The following PCDH19 variants were observed in gnomAD, a reference collection of about 807,000 sequenced individuals.
PCDH19 encodes protocadherin 19, also known as protocadherin-19.
PCDH19 carries 6 observed loss-of-function variants against 46.2 expected under a neutral mutation model. The ratio of observed to expected loss-of-function variants is 0.13; its 90% confidence interval spans 0.07 to 0.26. PCDH19 has a LOEUF of 0.26. PCDH19 is among the 10% of genes least tolerant of loss of function. The probability of loss-of-function intolerance (pLI) is 1.00; values close to 1 mark genes in which losing one functional copy is unlikely to be tolerated. For synonymous variants in PCDH19, 481 were observed against 415.7 expected, an observed-to-expected ratio of 1.16 and a Z score of -1.91; for missense variants, 740 against 972.3, an observed-to-expected ratio of 0.76 and a Z score of 3.18.
In PCDH19 at chrX:100,296,255, T is replaced by C. The variant is rs755737695; in HGVS notation, c.*22A>G. On this transcript the variant is annotated 3_prime_UTR_variant, in exon 6 of 6. Transcript: ENST00000373034. ...TCTTCACTAGCCAGTGTGGTTTCTT[T>C]CTCTTCTTCCTGGAGACTGGTTTAG... is the stretch of plus-strand genomic sequence containing the variant. 8.6e-7 allele frequency: 1 copy of C among 1,160,887 alleles called. No individual in the cohort carries two copies. The highest frequency in any genetic ancestry group is 1.2e-6 in the Non-Finnish European group (1 of 848,945).
chrX:100,338,166 C>T (rs1415176125), intron 5 of PCDH19, among the ~76,000 whole-genome samples: 3 of 108,918 alleles, frequency 2.8e-5, no homozygotes, highest in Non-Finnish European at 5.7e-5. Context: ...CATGGTGAAA[C>T]CCCGTCTCTA....
intron 3 of PCDH19, among the ~76,000 whole-genome samples, chrX:100,363,013 G>A (rs1449325406): frequency 9.1e-6 from 1 of 110,119 alleles, no homozygotes; most frequent in Non-Finnish European, 1.9e-5. Flanking sequence ...CTATAAAATG[G>A]AAATAATATC....
chrX:100,404,322 C>G (rs1176951478), intron 1 of PCDH19, among the ~76,000 whole-genome samples: 1 of 111,783 alleles, frequency 8.9e-6, no homozygotes, highest in Non-Finnish European at 1.9e-5. Context: ...ACTGGTACTA[C>G]TGGGGTTTGG....
chrX:100,339,829 G>A (rs1485157290), intron 5 of PCDH19, among the ~76,000 whole-genome samples: 1 of 112,125 alleles, frequency 8.9e-6, no homozygotes, highest in Admixed American at 9.5e-5. Context: ...CGGAATAATA[G>A]AAAAAATGAA....
At position 100,407,570 on chromosome X, in the gene PCDH19, G is replaced by A; in HGVS notation, c.1028C>T (p.Pro343Leu). Residue 343 changes from proline to leucine, a missense_variant, in exon 1 of 6, where the codon CCG becomes CTG. Physicochemically the swap from Pro to Leu is moderately conservative, Grantham distance 98 (BLOSUM62 -3). Coordinates refer to ENST00000373034, the MANE Select transcript of PCDH19 (RefSeq NM_001184880.2). ...TVSVLDTNDNPPVINLLSVNS... is the reference protein window; with the variant it reads ...TVSVLDTNDNLPVINLLSVNS... ...GACTGACAGCAGGTTGATGACCGGC[G>A]GATTGTCATTGGTGTCCAGCACGCT... 1 of 1,211,336 alleles carries A rather than the reference G, an allele frequency of 8.3e-7. No homozygotes were observed. The highest frequency in any genetic ancestry group is 1.1e-6 in the Non-Finnish European group (1 of 895,352).
chrX:100,408,079 C>A lies in PCDH19; in HGVS notation c.519G>T (p.Leu173=). ...VQTYELTPNE[L]FGLEIKTRGD... ...CGCGCGTCTTGATCTCCAGGCCGAA[C>A]AGCTCGTTGGGCGTGAGCTCGTAAG... The change falls in exon 1 of 6, where the codon CTG becomes CTT. Residue 173 remains leucine, a synonymous_variant. Coordinates refer to ENST00000373034, the MANE Select transcript of PCDH19 (RefSeq NM_001184880.2). 1 of 1,210,101 alleles carries A rather than the reference C, an allele frequency of 8.3e-7. No individual in the cohort carries two copies.
Position 100,407,053 on chromosome X carries a change from G to A in PCDH19, c.1545C>T (p.Ile515=). The change falls in exon 1 of 6, where the codon ATC becomes ATT. Residue 515 remains isoleucine (I), a synonymous_variant. Coordinates refer to ENST00000373034, the MANE Select transcript of PCDH19 (RefSeq NM_001184880.2). ...CGTGGTTAAAGGATCGCAGCGCGTA[G>A]ATGTCGCCTGAGTTGGGATTGATGG... ...YVSINPNSGD[I]YALRSFNHEQ... 1 of 1,211,636 alleles carries A rather than the reference G, an allele frequency of 8.3e-7. No homozygotes were observed. Among genetic ancestry groups the A allele is most frequent in the Non-Finnish European group, 1.1e-6 (1 of 895,320 alleles).
chrX:100,296,362 A>C lies in PCDH19; in HGVS notation c.3362T>G (p.Val1121Gly), dbSNP rs1031768652. 8.3e-7 allele frequency: 1 copy of C among 1,209,468 alleles called. No individual in the cohort carries two copies. The highest frequency in any genetic ancestry group is 1.1e-6 in the Non-Finnish European group (1 of 895,042). ...AEPRGADSEK[V>G]MHEVSPILKE... ...CAGAATGGGGCTGACCTCATGCATG[A>C]CTTTCTCGCTATCAGCTCCACGGGG... Residue 1121 changes from valine to glycine, a missense_variant, in exon 6 of 6, where the codon GTC (valine) becomes GGC (glycine). Physicochemically the swap from Val to Gly is moderately radical, Grantham distance 109. Coordinates refer to ENST00000373034, the MANE Select transcript of PCDH19 (RefSeq NM_001184880.2).
Position 100,391,848 on chromosome X carries a change from C to A in PCDH19, c.2616+10676G>T, listed in dbSNP as rs775990826. On this transcript the variant is annotated intron_variant, in intron 3 of 5. Transcript: ENST00000373034. ...GGTAGTGATCTCCCCTACCTCAGAA[C>A]TGCAGATTTCTAGATGGTTATCTTT... Among the ~76,000 whole-genome samples the A allele has an allele frequency of 7.0e-4, 78 of 112,174 alleles. 1 individual carries two copies. The highest frequency in any genetic ancestry group is 2.4e-3 in the African/African-American group (75 of 30,916).
Position 100,325,660 on chromosome X carries a change from G to A in PCDH19, c.2848+16243C>T, listed in dbSNP as rs575676484. On this transcript the variant is annotated intron_variant, in intron 5 of 5. Coordinates refer to ENST00000373034, the MANE Select transcript of PCDH19 (RefSeq NM_001184880.2). ...TGGGATTACAGGCGTGAGCCACCGC[G>A]CCCGGCCAGGACTATAATGATCTTA... 1.6e-3 allele frequency among the ~76,000 whole-genome samples: 181 copies of A among 112,225 alleles called. 1 individual carries two copies. Among genetic ancestry groups the A allele is most frequent in the African/African-American group, 5.6e-3 (174 of 30,943 alleles).
At chrX:100,382,133 T>C in intron 3 of PCDH19, among the ~76,000 whole-genome samples, 2 of 109,940 alleles carry the variant, frequency 1.8e-5, no homozygotes, top group Middle Eastern at 9.5e-3. Flanking sequence ...TTCTTGGCAA[T>C]GCTTCACTTA....
Position 100,407,292 on chromosome X carries a change from C to T in PCDH19, c.1306G>A (p.Ala436Thr), listed in dbSNP as rs1156365558. The T allele has an allele frequency of 8.3e-7, 1 of 1,210,634 alleles. No individual in the cohort carries two copies. The highest frequency in any genetic ancestry group is 1.1e-6 in the Non-Finnish European group (1 of 895,293). The change falls in exon 1 of 6, where the codon GCC becomes ACC. Residue 436 changes from alanine to threonine, a missense_variant. Transcript: ENST00000373034. The part of the protein sequence containing the change: ...RDGGVPMLQS[A>T]KSFTVLITDE... ...GTGATGAGCACGGTAAAGGACTTGG[C>T]ACTCTGCAGCATGGGCACGCCGCCG... is the stretch of plus-strand genomic sequence containing the variant.
chrX:100,377,947 G>A (rs1339021532), intron 3 of PCDH19, among the ~76,000 whole-genome samples: 2 of 112,424 alleles, frequency 1.8e-5, no homozygotes, highest in Non-Finnish European at 3.8e-5. Flanking sequence ...AAGCGTTGGT[G>A]ATTAACCAGA....
intron 3 of PCDH19, among the ~76,000 whole-genome samples, chrX:100,356,236 T>C (rs1264064560): frequency 8.9e-6 from 1 of 112,165 alleles, no homozygotes; most frequent in Non-Finnish European, 1.9e-5. Flanking sequence ...TTTTAAAGTT[T>C]TTAACTCTTA....
chrX:100,322,865 A>ATATATATTTTTTTTTTTTTT, intron 5 of PCDH19, among the ~76,000 whole-genome samples: 3 of 54,412 alleles, frequency 5.5e-5, no homozygotes, highest in African/African-American at 2.5e-4. Context: ...ATATATATAT[A>ATATATATTTTTTTTTTTTTT]TTTTTGCAGC....
intron 5 of PCDH19, among the ~76,000 whole-genome samples, chrX:100,316,985 T>A (rs1402581956): frequency 8.9e-6 from 1 of 112,098 alleles, no homozygotes; most frequent in Non-Finnish European, 1.9e-5. Flanking sequence ...TTCCATTTCT[T>A]TGTTTCCTAC....
rs759790542 is a variant in PCDH19, at chrX:100,341,981, T to C, written c.2770A>G (p.Ser924Gly). ...QTDSEHDVQR[S>G]LYCDTAVNDV... ...TTGACAGCAGTATCACAATACAGGC[T>C]CCGCTGGACATCATGCTCACTGTCA... The change falls in exon 5 of 6, where the codon AGC becomes GGC. Residue 924 changes from serine (S) to glycine (G), a missense_variant. Ser to Gly is a moderately conservative substitution (Grantham distance 56). Coordinates refer to ENST00000373034, the MANE Select transcript of PCDH19 (RefSeq NM_001184880.2). 11 of 1,207,949 alleles carry C rather than the reference T, an allele frequency of 9.1e-6. No individual in the cohort carries two copies. Among genetic ancestry groups the C allele is most frequent in the Non-Finnish European group, 1.2e-5 (11 of 892,063 alleles).
intron 3 of PCDH19, among the ~76,000 whole-genome samples, chrX:100,352,615 G>A (rs1407714857): frequency 9.0e-6 from 1 of 111,547 alleles, no homozygotes; most frequent in African/African-American, 3.3e-5. Context: ...CATCCCTCTT[G>A]GTACTGTTCT....
At chrX:100,315,956 G>C (rs1446123872) in intron 5 of PCDH19, among the ~76,000 whole-genome samples, 2 of 111,720 alleles carry the variant, frequency 1.8e-5, no homozygotes. Context: ...GGATGATGGA[G>C]AGGTTCCCCT....
Sources: gnomAD v4.1 joint callset for allele counts (sites outside exome capture counted in the v4.1 genomes callset) on GRCh38, gnomAD v4.1.1 for gene constraint, MANE v1.5 for transcripts, NCBI Gene and HGNC (gene_info 2026-07-23, HGNC 2026-07-21) for gene names.